The following SERPINB9 variants were observed in gnomAD, a reference collection of about 807,000 sequenced individuals.
The protein encoded by SERPINB9 is serpin B9.
SERPINB9 carries 20 observed loss-of-function variants against 27.2 expected under a neutral mutation model. That is an observed-to-expected ratio of 0.74 (90% CI 0.52 to 1.07). The LOEUF (loss-of-function observed/expected upper bound fraction) is 1.07. Ranked by LOEUF, SERPINB9 falls within the 50% of genes least tolerant of loss-of-function variation. SERPINB9 has a pLI of 0.00. For synonymous variants in SERPINB9, 189 were observed against 180.0 expected (o/e 1.05, Z -0.40); for missense variants, 476 against 460.1 (o/e 1.03, Z -0.32).
At position 2,889,616 on chromosome 6, in the gene SERPINB9, A is replaced by G. The variant is rs1238733999; in HGVS notation, c.*547T>C. 2 of 150,364 alleles carry G rather than the reference A, an allele frequency of 1.3e-5. No homozygotes were observed. Among genetic ancestry groups the G allele is most frequent in the Non-Finnish European group, 3.0e-5 (2 of 67,726 alleles). The allele number at this position is 150,364 out of a possible 1,614,324, so 9.3% of individuals were successfully genotyped here. A position where few individuals can be genotyped will look rare whatever the true frequency, so the allele number is the denominator to read the frequency against. ...AGGCTGAGGCAGGAGAATGGCGTGAACCCGGGAGGCGGAGCTTGCAGTGAG... is the reference window on the plus strand; with the variant it reads ...AGGCTGAGGCAGGAGAATGGCGTGAGCCCGGGAGGCGGAGCTTGCAGTGAG... On this transcript the variant is annotated 3_prime_UTR_variant, in exon 7 of 7. Coordinates refer to ENST00000380698, the MANE Select transcript of SERPINB9 (RefSeq NM_004155.6).
chr6:2,901,205 G>A (rs73718374), intron 1 of SERPINB9, among the ~76,000 whole-genome samples: 1 of 152,136 alleles, frequency 6.6e-6, no homozygotes, highest in East Asian at 1.9e-4. Context: ...GTGGAGCCAG[G>A]CTGCTCCCAG....
chr6:2,900,666 A>C, intron 1 of SERPINB9, 45 bp from the exon 2 acceptor site: 4 of 1,549,084 alleles, frequency 2.6e-6, no homozygotes, highest in South Asian at 2.3e-5. Flanking sequence ...ACACTCCCTG[A>C]ATGTTACTGA....
At position 2,900,885 on chromosome 6, in the gene SERPINB9, T is replaced by A. The variant is rs531515016; in HGVS notation, c.-10-264A>T. The stretch of plus-strand genomic sequence containing the variant: ...TGGCTCGCCTGCAGAGCTCGCTCTC[T>A]CACACACACACACACACACACACAC... On this transcript the variant is annotated intron_variant, in intron 1 of 6. Transcript: ENST00000380698. Among the ~76,000 whole-genome samples, 1,127 of 141,574 alleles carry A rather than the reference T, an allele frequency of 8.0e-3. 8 individuals are homozygous for A. The highest frequency in any genetic ancestry group is 0.014 in the Admixed American group (195 of 14,364). 92.9% of individuals were successfully genotyped at this position (141,574 alleles called of 152,430 possible). A position where few individuals can be genotyped will look rare whatever the true frequency, so the allele number is the denominator to read the frequency against.
chr6:2,892,101 AC>A, intron 5 of SERPINB9, 113 bp from the exon 6 acceptor site: 1 of 276,964 alleles, frequency 3.6e-6, no homozygotes, highest in African/African-American at 3.4e-5. Context: ...GCCCCAGTTA[AC>A]ACTAAAAAAA....
Position 2,891,716 on chromosome 6 carries a change from T to G in SERPINB9, c.723+117A>C. 1 of 1,237,162 alleles carries G rather than the reference T, an allele frequency of 8.1e-7. No individual in the cohort carries two copies. The highest frequency in any genetic ancestry group is 1.1e-6 in the Non-Finnish European group (1 of 902,088). The allele number at this position is 1,237,162 out of a possible 1,614,324, so 76.6% of individuals were successfully genotyped here. ...AAGTTCGATCCCAACGCCAAGTGCC[T>G]GCACAGTGTGCGTCTGCCGCATCGC... On this transcript the variant is annotated intron_variant, in intron 6 of 6. Transcript: ENST00000380698. The surrounding 1 kb of genome is among the most constrained non-coding windows in gnomAD (Gnocchi z 4.0).
intron 2 of SERPINB9, among the ~76,000 whole-genome samples, chr6:2,896,534 A>C (rs755216727): frequency 4.6e-5 from 7 of 152,238 alleles, no homozygotes; most frequent in Non-Finnish European, 1.0e-4. Context: ...AGAATCCTCA[A>C]AAGGAAACAA....
chr6:2,893,005 C>T lies in SERPINB9; in HGVS notation c.567+406G>A, dbSNP rs565477237. The stretch of plus-strand genomic sequence containing the variant: ...CATGTTTTCACCTTCTCTCCCTCTA[C>T]CCTGCCCTATACTGCCTCTCACTCC... On this transcript the variant is annotated intron_variant, in intron 5 of 6. Coordinates refer to ENST00000380698, the MANE Select transcript of SERPINB9 (RefSeq NM_004155.6). Among the ~76,000 whole-genome samples, 13 of 149,040 alleles carry T rather than the reference C, an allele frequency of 8.7e-5. No homozygotes were observed. In the South Asian group the frequency reaches 2.8e-3, roughly 32 times the overall value.
chr6:2,893,778 G>A (rs868185260), intron 4 of SERPINB9, among the ~76,000 whole-genome samples: 1 of 152,120 alleles, frequency 6.6e-6, no homozygotes, highest in East Asian at 1.9e-4. Flanking sequence ...TAAGTCACTC[G>A]AGGAAAGCAG....
Position 2,891,913 on chromosome 6 carries a change from G to C in SERPINB9, c.643C>G (p.Gln215Glu), listed in dbSNP as rs1767813270. The change falls in exon 6 of 7, where the codon CAG (glutamine) becomes GAG (glutamate). Residue 215 changes from glutamine (Q) to glutamate (E), a missense_variant. Transcript: ENST00000380698. The surrounding 1 kb of genome is among the most constrained non-coding windows in gnomAD (Gnocchi z 4.0). ...CTGGCGTAGGGCAGCTCCAGCAGCT[G>C]CGCGCGCACCTCGCCCACGTGGGCG... ...KLAHVGEVRA[Q>E]LLELPYARKE... The C allele has an allele frequency of 6.2e-7, 1 of 1,613,058 alleles. No homozygotes were observed. Among genetic ancestry groups the C allele is most frequent in the African/African-American group, 1.3e-5 (1 of 74,814 alleles).
rs376315325 is a variant in SERPINB9 at position 2,890,298 on chromosome 6, C to A, written c.996G>T (p.Ala332=). 7 of 1,614,122 alleles carry A rather than the reference C, an allele frequency of 4.3e-6. No individual in the cohort carries two copies. The highest frequency in any genetic ancestry group is 5.9e-6 in the Non-Finnish European group (7 of 1,180,046). Residue 332 remains alanine (A), a synonymous_variant, in exon 7 of 7, where the codon GCG becomes GCT. Transcript: ENST00000380698. The surrounding 1 kb of genome is among the most constrained non-coding windows in gnomAD (Gnocchi z 6.2). ...VNEEGTEAAA[A]SSCFVVAECC... Reference sequence around the variant, plus strand: ...ACTCTGCAACTACAAAGCAGCTCGACGCTGCCGCTGCCTCGGTGCCTTCTT... The same window carrying A: ...ACTCTGCAACTACAAAGCAGCTCGAAGCTGCCGCTGCCTCGGTGCCTTCTT...
chr6:2,894,836 C>T lies in SERPINB9; in HGVS notation c.424+555G>A, dbSNP rs1767936676. ...CTCAGCTCACTACAACTTCTGCCTCCCAGGTTCAAGTGATTCTCATGTCTC... is the reference window on the plus strand; with the variant it reads ...CTCAGCTCACTACAACTTCTGCCTCTCAGGTTCAAGTGATTCTCATGTCTC... On this transcript the variant is annotated intron_variant, in intron 4 of 6. Transcript: ENST00000380698. The surrounding 1 kb of genome is among the most constrained non-coding windows in gnomAD (Gnocchi z 4.7). 6.6e-6 allele frequency among the ~76,000 whole-genome samples: 1 copy of T among 152,056 alleles called. No individual in the cohort carries two copies. The highest frequency in any genetic ancestry group is 6.5e-5 in the Admixed American group (1 of 15,268).
Position 2,890,161 on chromosome 6 carries a change from CT to C in SERPINB9, c.*1del, listed in dbSNP as rs763563840. 5.0e-6 allele frequency: 8 copies of C among 1,611,936 alleles called. No homozygotes were observed. Among genetic ancestry groups the C allele is most frequent in the Non-Finnish European group, 6.8e-6 (8 of 1,178,592 alleles). ...TGGCCGAGTGCACGGTAAGTGCACC[CT>C]TTATGGCGATGAGAACCTGCCACAG... On this transcript the variant is annotated 3_prime_UTR_variant, in exon 7 of 7. Transcript: ENST00000380698. This position sits in a 1 kb window ranked among gnomAD's most constrained non-coding sequence, Gnocchi z 6.2.
chr6:2,892,473 C>T (rs1175288098), intron 5 of SERPINB9, among the ~76,000 whole-genome samples: 3 of 152,182 alleles, frequency 2.0e-5, no homozygotes, highest in African/African-American at 4.8e-5. Flanking sequence ...GAAAGAGTAA[C>T]GACCTACATA....
rs1268278587 is a variant in SERPINB9 at position 2,901,492 on chromosome 6, GGCAAGAAACAGC to G, written c.-10-883_-10-872del. On this transcript the variant is annotated intron_variant, in intron 1 of 6. Coordinates refer to ENST00000380698, the MANE Select transcript of SERPINB9 (RefSeq NM_004155.6). ...TCCCTGCAGAACGCCAGAATGGAAA[GGCAAGAAACAGC>G]CCAAGGTGAGGAGTAAAACAGGCGA... 1.2e-4 allele frequency among the ~76,000 whole-genome samples: 18 copies of G among 152,228 alleles called. 1 individual carries two copies. Among genetic ancestry groups the G allele is most frequent in the Non-Finnish European group, 2.5e-4 (17 of 68,042 alleles).
rs1265706405 is a variant in SERPINB9 at position 2,891,029 on chromosome 6, G to C, written c.724-459C>G. Among the ~76,000 whole-genome samples, 1 of 152,232 alleles carries C rather than the reference G, an allele frequency of 6.6e-6. No homozygotes were observed. The highest frequency in any genetic ancestry group is 1.5e-5 in the Non-Finnish European group (1 of 68,036). On this transcript the variant is annotated intron_variant, in intron 6 of 6. Transcript: ENST00000380698. This position sits in a 1 kb window ranked among gnomAD's most constrained non-coding sequence, Gnocchi z 4.0. ...AGTTTCCGGAGCAGAGAGGTTACCA[G>C]AGGATTATCTGCCCCAGAGAGATTC...
rs1390181495 is a variant in SERPINB9, at chr6:2,891,858, G to A, written c.698C>T (p.Pro233Leu). ...CGTGCTGAGCTCCACGCCGTCGTCAGGCAGCAGCACCAGCAGGCTCAGCTC... is the reference window on the plus strand; with the variant it reads ...CGTGCTGAGCTCCACGCCGTCGTCAAGCAGCAGCACCAGCAGGCTCAGCTC... ...RKELSLLVLL[P>L]DDGVELSTVE... The change falls in exon 6 of 7, where the codon CCT (proline) becomes CTT (leucine). Residue 233 changes from proline to leucine, a missense_variant. Transcript: ENST00000380698. The surrounding 1 kb of genome is among the most constrained non-coding windows in gnomAD (Gnocchi z 4.0). The A allele has an allele frequency of 6.2e-7, 1 of 1,608,526 alleles. No homozygotes were observed.
chr6:2,901,682 T>C (rs1768206424), intron 1 of SERPINB9, among the ~76,000 whole-genome samples: 1 of 152,030 alleles, frequency 6.6e-6, no homozygotes, highest in African/African-American at 2.4e-5. Context: ...CTCCTCCAGG[T>C]GAGCCTGGGA....
chr6:2,902,048 C>T (rs946238000), intron 1 of SERPINB9, among the ~76,000 whole-genome samples: 5 of 152,138 alleles, frequency 3.3e-5, no homozygotes, highest in African/African-American at 9.7e-5. Context: ...CGCTCAAAGC[C>T]ACCTTGTTAA....
In SERPINB9 at chr6:2,894,857, G is replaced by A. The variant is rs898710752; in HGVS notation, c.424+534C>T. The stretch of plus-strand genomic sequence containing the variant: ...CCTCCCAGGTTCAAGTGATTCTCAT[G>A]TCTCAGCCTCCCAAGCAGCTGGGAT... On this transcript the variant is annotated intron_variant, in intron 4 of 6. Transcript: ENST00000380698. The surrounding 1 kb of genome is among the most constrained non-coding windows in gnomAD (Gnocchi z 4.7). 6.6e-6 allele frequency among the ~76,000 whole-genome samples: 1 copy of A among 151,576 alleles called. No homozygotes were observed. The highest frequency in any genetic ancestry group is 1.5e-5 in the Non-Finnish European group (1 of 68,002).
Sources: allele counts gnomAD v4.1 joint callset (sites outside exome capture counted in the v4.1 genomes callset), GRCh38; gene constraint gnomAD v4.1.1; non-coding constraint Gnocchi (gnomAD v3.1); transcripts MANE v1.5; gene names NCBI Gene and HGNC (gene_info 2026-07-23, HGNC 2026-07-21).